CCDC102B: variants seen among roughly 807,000 people sequenced by gnomAD.
CCDC102B encodes coiled-coil domain containing 102B.
CCDC102B carries 75 observed loss-of-function variants against 57.4 expected under a neutral mutation model. That is an observed-to-expected ratio of 1.31 (90% CI 1.08 to 1.58). The LOEUF is 1.58. CCDC102B is among the 40% of genes most tolerant of loss of function. CCDC102B has a pLI of 0.00. For missense variants in CCDC102B, 636 were observed against 582.6 expected, an observed-to-expected ratio of 1.09 and a Z score of -0.94; for synonymous variants, 206 against 201.9, an observed-to-expected ratio of 1.02 and a Z score of -0.17.
chr18:68,835,200 G>C (rs2037314399), intron 1 of CCDC102B, among the ~76,000 whole-genome samples: 1 of 152,094 alleles, frequency 6.6e-6, no homozygotes, highest in East Asian at 1.9e-4. Flanking sequence ...ATTAATTTGT[G>C]TGTTGGTATT....
chr18:68,727,867 C>T (rs1445814717), intron 2 of CCDC102B, among the ~76,000 whole-genome samples: 1 of 152,216 alleles, frequency 6.6e-6, no homozygotes, highest in East Asian at 1.9e-4. Flanking sequence ...GATTTGGGTG[C>T]ATATTGACTC....
chr18:68,902,542 CAGTA>C (rs1447424869), intron 6 of CCDC102B, among the ~76,000 whole-genome samples: 2 of 152,136 alleles, frequency 1.3e-5, no homozygotes, highest in Non-Finnish European at 2.9e-5. Context: ...CTTGTAGTTA[CAGTA>C]AGTGACAACA....
intron 6 of CCDC102B, among the ~76,000 whole-genome samples, chr18:68,938,752 A>G (rs1375637724): frequency 6.6e-6 from 1 of 151,396 alleles, no homozygotes; most frequent in East Asian, 1.9e-4. Flanking sequence ...AAATCTATGC[A>G]CTCTTGAATT....
intron 1 of CCDC102B, among the ~76,000 whole-genome samples, chr18:68,810,495 C>G (rs1363016350): frequency 6.6e-6 from 1 of 151,932 alleles, no homozygotes; most frequent in Non-Finnish European, 1.5e-5. Flanking sequence ...CCCTATGTGC[C>G]TTAATCCAGG....
intron 2 of CCDC102B, among the ~76,000 whole-genome samples, chr18:68,750,238 A>G (rs762890754): frequency 8.5e-5 from 13 of 152,206 alleles, no homozygotes; most frequent in Admixed American, 2.0e-4. Flanking sequence ...CAAAACCACA[A>G]TGAGATACCA....
At chr18:68,773,418 A>G (rs1304123785) in intron 2 of CCDC102B, among the ~76,000 whole-genome samples, 1 of 152,074 alleles carries the variant, frequency 6.6e-6, no homozygotes, top group African/African-American at 2.4e-5. Flanking sequence ...GAAGTTTTTA[A>G]AAAGTTACTC....
chr18:68,825,428 G>A (rs2036868548), intron 1 of CCDC102B, among the ~76,000 whole-genome samples: 1 of 152,138 alleles, frequency 6.6e-6, no homozygotes, highest in African/African-American at 2.4e-5. Flanking sequence ...GCCAGGCGGG[G>A]TCTGTAATCC....
intron 6 of CCDC102B, among the ~76,000 whole-genome samples, chr18:68,934,247 T>G (rs1245349033): frequency 6.6e-6 from 1 of 151,924 alleles, no homozygotes; most frequent in Non-Finnish European, 1.5e-5. Context: ...GTCGGCAAAC[T>G]CTATGAAGAT....
chr18:68,952,895 T>A (rs1385177118), intron 6 of CCDC102B, among the ~76,000 whole-genome samples: 2 of 152,146 alleles, frequency 1.3e-5, no homozygotes, highest in Non-Finnish European at 2.9e-5. Context: ...GAAAACAAAC[T>A]ACTGATACTC....
chr18:68,925,653 A>T (rs1487818978), intron 6 of CCDC102B, among the ~76,000 whole-genome samples: 1 of 151,960 alleles, frequency 6.6e-6, no homozygotes, highest in Admixed American at 6.6e-5. Flanking sequence ...AAGTTGTTTC[A>T]TTTTGTACTT....
rs568826737 is a variant in CCDC102B, at chr18:68,986,374, A to G, written c.1264-24560A>G. Reference sequence around the variant, plus strand: ...CAATAAATGTGATTTACCACATAAAAAGAATTAAAAGCAAACACCATATGA... The same window carrying G: ...CAATAAATGTGATTTACCACATAAAGAGAATTAAAAGCAAACACCATATGA... On this transcript the variant is annotated intron_variant, in intron 6 of 7. Coordinates refer to ENST00000360242, the MANE Select transcript of CCDC102B (RefSeq NM_024781.3). 2.6e-5 allele frequency among the ~76,000 whole-genome samples: 4 copies of G among 152,322 alleles called. No homozygotes were observed. In the South Asian group the frequency reaches 6.2e-4, roughly 24 times the overall value.
chr18:68,964,044 G>T (rs1447217278), intron 6 of CCDC102B, among the ~76,000 whole-genome samples: 1 of 151,806 alleles, frequency 6.6e-6, no homozygotes, highest in Non-Finnish European at 1.5e-5. Context: ...ATAACAAATG[G>T]TGTCTGTCTT....
At chr18:68,854,343 G>A (rs2038286217) in intron 4 of CCDC102B, among the ~76,000 whole-genome samples, 2 of 152,118 alleles carry the variant, frequency 1.3e-5, no homozygotes, top group South Asian at 2.1e-4. Flanking sequence ...CAGGTGACCC[G>A]CCTGCCTCGG....
chr18:68,924,885 C>T (rs543535706), intron 6 of CCDC102B, among the ~76,000 whole-genome samples: 2 of 152,140 alleles, frequency 1.3e-5, no homozygotes, highest in East Asian at 3.9e-4. Flanking sequence ...ACCAGAGTCC[C>T]AGGGGGCTAG....
intron 2 of CCDC102B, among the ~76,000 whole-genome samples, chr18:68,728,261 C>T (rs575941025): frequency 2.0e-5 from 3 of 152,282 alleles, no homozygotes; most frequent in African/African-American, 7.2e-5. Context: ...GAAGTAATCC[C>T]AGGGAAGAAA....
At chr18:68,841,295 A>G (rs2144800721) in intron 3 of CCDC102B, among the ~76,000 whole-genome samples, 1 of 152,278 alleles carries the variant, frequency 6.6e-6, no homozygotes, top group South Asian at 2.1e-4. Flanking sequence ...CAGAAAACTC[A>G]GGGACTCATT....
At chr18:68,891,118 GT>G (rs1412753600) in intron 5 of CCDC102B, among the ~76,000 whole-genome samples, 2 of 151,992 alleles carry the variant, frequency 1.3e-5, no homozygotes, top group East Asian at 3.9e-4. Context: ...AATGCATGTG[GT>G]TATTTGCTTT....
intron 6 of CCDC102B, among the ~76,000 whole-genome samples, chr18:68,941,769 G>A (rs1221470797): frequency 1.3e-5 from 2 of 152,052 alleles, no homozygotes; most frequent in Non-Finnish European, 2.9e-5. Context: ...TGAAAGTACA[G>A]AGGAACAGTT....
At chr18:68,960,313 T>G (rs2050015068) in intron 6 of CCDC102B, among the ~76,000 whole-genome samples, 1 of 152,150 alleles carries the variant, frequency 6.6e-6, no homozygotes, top group Non-Finnish European at 1.5e-5. Context: ...TGTAATTGCC[T>G]GTCATCCAGA....
Sources: gnomAD v4.1 joint callset for allele counts (sites outside exome capture counted in the v4.1 genomes callset) on GRCh38, gnomAD v4.1.1 for gene constraint, MANE v1.5 for transcripts, NCBI Gene and HGNC (gene_info 2026-07-23, HGNC 2026-07-21) for gene names.